Variants in CCN2 observed in about 807,000 individuals in gnomAD.
CCN2 encodes the protein CCN family member 2.
Under a neutral mutation model 33.2 loss-of-function variants are expected in CCN2, and 22 were observed. The observed-to-expected ratio is 0.66, with a 90% CI of 0.47 to 0.95. The LOEUF (loss-of-function observed/expected upper bound fraction) is 0.95. CCN2 is among the 40% of genes least tolerant of loss of function. The pLI is 0.00. For synonymous variants in CCN2, 178 were observed against 200.6 expected, an observed-to-expected ratio of 0.89 and a Z score of 0.95; for missense variants, 469 against 498.8, an observed-to-expected ratio of 0.94 and a Z score of 0.57.
Position 131,950,697 on chromosome 6 carries a change from CT to C in CCN2, c.289+72del. Reference sequence around the variant, plus strand: ...GAAAGAAACTCAGTCCGAGCGGTTTCTTTTTCCAGCGGGCGGGTGGGCGTGA... The same window carrying C: ...GAAAGAAACTCAGTCCGAGCGGTTTCTTTTCCAGCGGGCGGGTGGGCGTGA... On this transcript the variant is annotated intron_variant, in intron 2 of 4. Transcript: ENST00000367976. The surrounding 1 kb of genome is among the most constrained non-coding windows in gnomAD (Gnocchi z 7.1). 1.4e-6 allele frequency: 2 copies of C among 1,468,808 alleles called. No individual in the cohort carries two copies. Among genetic ancestry groups the C allele is most frequent in the Non-Finnish European group, 1.8e-6 (2 of 1,096,412 alleles). The allele number at this position is 1,468,808 out of a possible 1,614,324, so 91.0% of individuals were successfully genotyped here.
At position 131,951,148 on chromosome 6, in the gene CCN2, C is replaced by G; in HGVS notation, c.25G>C (p.Val9Leu). MTAASMGP[V>L]RVAFVVLLAL... ...AGGAGGACCACGAAGGCGACGCGGACGGGGCCCATACTGGCGGCGGTCATG... is the reference window on the plus strand; with the variant it reads ...AGGAGGACCACGAAGGCGACGCGGAGGGGGCCCATACTGGCGGCGGTCATG... The change falls in exon 1 of 5, where the codon GTC (valine) becomes CTC (leucine). Residue 9 changes from valine to leucine, a missense_variant. Val to Leu is a conservative substitution (Grantham distance 32). Transcript: ENST00000367976. 1 of 1,347,668 alleles carries G rather than the reference C, an allele frequency of 7.4e-7. No homozygotes were observed. The highest frequency in any genetic ancestry group is 9.6e-7 in the Non-Finnish European group (1 of 1,047,032). 83.5% of individuals were successfully genotyped at this position (1,347,668 alleles called of 1,614,324 possible).
In CCN2 at chr6:131,949,002, A is replaced by T. The variant is rs1783058653; in HGVS notation, c.*262T>A. ...GCTGGTACCCTCCCACTGCTCCTAA[A>T]GCCACACCTTAATATACATTCTGGT... On this transcript the variant is annotated 3_prime_UTR_variant, in exon 5 of 5. Coordinates refer to ENST00000367976, the MANE Select transcript of CCN2 (RefSeq NM_001901.4). 1 of 496,548 alleles carries T rather than the reference A, an allele frequency of 2.0e-6. No individual in the cohort carries two copies. Among genetic ancestry groups the T allele is most frequent in the Non-Finnish European group, 3.7e-6 (1 of 272,698 alleles). The allele number at this position is 496,548 out of a possible 1,614,324, so 30.8% of individuals were successfully genotyped here. A position where few individuals can be genotyped will look rare whatever the true frequency, so the allele number is the denominator to read the frequency against.
Position 131,950,581 on chromosome 6 carries a change from A to G in CCN2, c.290-38T>C, listed in dbSNP as rs536116140. ...AAGGGAAGAGAGGGGTGGGGGATGC[A>G]GAGGTCAGGCATTGGGGCACTCTCA... On this transcript the variant is annotated intron_variant, in intron 2 of 4. Coordinates refer to ENST00000367976, the MANE Select transcript of CCN2 (RefSeq NM_001901.4). The surrounding 1 kb of genome is among the most constrained non-coding windows in gnomAD (Gnocchi z 7.1). 9.0e-5 allele frequency: 144 copies of G among 1,602,740 alleles called. 1 individual carries two copies. The Middle Eastern group carries it at 1.0e-3, about 11-fold the overall frequency.
At position 131,949,149 on chromosome 6, in the gene CCN2, A is replaced by G; in HGVS notation, c.*115T>C. 4.3e-6 allele frequency: 4 copies of G among 941,146 alleles called. No individual in the cohort carries two copies. The highest frequency in any genetic ancestry group is 6.5e-6 in the Non-Finnish European group (4 of 613,960). The allele number at this position is 941,146 out of a possible 1,614,324, so 58.3% of individuals were successfully genotyped here. ...GAATTGGGTGGGAATCTTTTCCCCC[A>G]GTTAGAAAAACAGATTTAAATAACT... On this transcript the variant is annotated 3_prime_UTR_variant, in exon 5 of 5. Coordinates refer to ENST00000367976, the MANE Select transcript of CCN2 (RefSeq NM_001901.4).
Position 131,950,727 on chromosome 6 carries a change from A to G in CCN2, c.289+43T>C. On this transcript the variant is annotated intron_variant, in intron 2 of 4. Transcript: ENST00000367976. This position sits in a 1 kb window ranked among gnomAD's most constrained non-coding sequence, Gnocchi z 7.1. The stretch of plus-strand genomic sequence containing the variant: ...TCCAGCGGGCGGGTGGGCGTGAGGG[A>G]GGAGGCGGCCGGACACCTAGCGGTG... 1 of 1,496,288 alleles carries G rather than the reference A, an allele frequency of 6.7e-7. No individual in the cohort carries two copies. The allele number at this position is 1,496,288 out of a possible 1,614,324, so 92.7% of individuals were successfully genotyped here. A position where few individuals can be genotyped will look rare whatever the true frequency, so the allele number is the denominator to read the frequency against.
rs1227280122 is a variant in CCN2, at chr6:131,950,912, G to C, written c.147C>G (p.Leu49=). The change falls in exon 2 of 5, where the codon CTC becomes CTG. Residue 49 remains leucine (L), a synonymous_variant. Transcript: ENST00000367976. The surrounding 1 kb of genome is among the most constrained non-coding windows in gnomAD (Gnocchi z 7.1). ...GGCAGCAGCCGCAGCCGTCCAGCAC[G>C]AGGCTCACGCCCGCCGGGCAGCGCG... ...PAPRCPAGVS[L]VLDGCGCCRV... is the part of the protein sequence containing the mutation. 24 of 1,500,748 alleles carry C rather than the reference G, an allele frequency of 1.6e-5. No individual in the cohort carries two copies. The highest frequency in any genetic ancestry group is 2.0e-5 in the Non-Finnish European group (23 of 1,133,704). The allele number at this position is 1,500,748 out of a possible 1,614,324, so 93.0% of individuals were successfully genotyped here.
At position 131,949,452 on chromosome 6, in the gene CCN2, T is replaced by A; in HGVS notation, c.862A>T (p.Thr288Ser). ...TGGGGGGTGCAGCATCGGCCGTCGG[T>A]ACATACTCCACAGAATTTAGCTCGG... is the stretch of plus-strand genomic sequence containing the variant. The part of the protein sequence containing the change: ...TYRAKFCGVC[T>S]DGRCCTPHRT... The change falls in exon 5 of 5, where the codon ACC becomes TCC. Residue 288 changes from threonine to serine, a missense_variant. Coordinates refer to ENST00000367976, the MANE Select transcript of CCN2 (RefSeq NM_001901.4). 1 of 1,614,186 alleles carries A rather than the reference T, an allele frequency of 6.2e-7. No homozygotes were observed. Among genetic ancestry groups the A allele is most frequent in the Middle Eastern group, 1.6e-4 (1 of 6,062 alleles).
Position 131,950,986 on chromosome 6 carries a change from C to A in CCN2, c.73G>T (p.Val25Phe). Residue 25 changes from valine (V) to phenylalanine (F), a missense_variant, in exon 2 of 5, where the codon GTC (valine) becomes TTC (phenylalanine). Coordinates refer to ENST00000367976, the MANE Select transcript of CCN2 (RefSeq NM_001901.4). The surrounding 1 kb of genome is among the most constrained non-coding windows in gnomAD (Gnocchi z 7.1). ...VLLALCSRPAVGQNCSGPCRC... is the reference protein window; with the variant it reads ...VLLALCSRPAFGQNCSGPCRC... The stretch of plus-strand genomic sequence containing the variant: ...CACGGCCCGCTGCAGTTCTGGCCGA[C>A]GGCCGGCTGCAGGGAGGACAGGGCG... The A allele has an allele frequency of 7.6e-7, 1 of 1,316,412 alleles. No homozygotes were observed. The highest frequency in any genetic ancestry group is 9.6e-7 in the Non-Finnish European group (1 of 1,042,678). 81.5% of individuals were successfully genotyped at this position (1,316,412 alleles called of 1,614,324 possible). A position where few individuals can be genotyped will look rare whatever the true frequency, so the allele number is the denominator to read the frequency against.
At position 131,949,291 on chromosome 6, in the gene CCN2, G is replaced by T. The variant is rs1052086665; in HGVS notation, c.1023C>A (p.Tyr341Ter). ...GDNDIFESLYYRKMYGDMA is the reference protein window; with the variant it reads ...GDNDIFESLY Reference sequence around the variant, plus strand: ...ATGCCATGTCTCCGTACATCTTCCTGTAGTACAGCGATTCAAAGATGTCAT... The same window carrying T: ...ATGCCATGTCTCCGTACATCTTCCTTTAGTACAGCGATTCAAAGATGTCAT... The change falls in exon 5 of 5, where the codon TAC (tyrosine) becomes TAA (stop). Residue 341 changes from tyrosine to a stop codon, truncating the protein, a stop_gained. Transcript: ENST00000367976. LOFTEE classifies it high-confidence loss of function. 5.6e-6 allele frequency: 9 copies of T among 1,614,008 alleles called. No homozygotes were observed. In the Admixed American group the frequency reaches 1.5e-4, roughly 27 times the overall value.
rs781444667 is a variant in CCN2 at position 131,950,719 on chromosome 6, C to A, written c.289+51G>T. ...TTTCTTTTTCCAGCGGGCGGGTGGG[C>A]GTGAGGGAGGAGGCGGCCGGACACC... is the stretch of plus-strand genomic sequence containing the variant. On this transcript the variant is annotated intron_variant, in intron 2 of 4. Transcript: ENST00000367976. This position sits in a 1 kb window ranked among gnomAD's most constrained non-coding sequence, Gnocchi z 7.1. 1.9e-5 allele frequency: 28 copies of A among 1,482,880 alleles called. No individual in the cohort carries two copies. In the East Asian group the frequency reaches 1.9e-4, roughly 10 times the overall value. The allele number at this position is 1,482,880 out of a possible 1,614,324, so 91.9% of individuals were successfully genotyped here.
rs1783107883 is a variant in CCN2, at chr6:131,951,286, C to T, written c.-114G>A. Reference sequence around the variant, plus strand: ...ACCGGGACGCGCCGGGCTGTCGTCTCGGGGCTGTCGGCCGGGGCGGCTGCC... The same window carrying T: ...ACCGGGACGCGCCGGGCTGTCGTCTTGGGGCTGTCGGCCGGGGCGGCTGCC... On this transcript the variant is annotated 5_prime_UTR_variant, in exon 1 of 5. Coordinates refer to ENST00000367976, the MANE Select transcript of CCN2 (RefSeq NM_001901.4). 3 of 925,220 alleles carry T rather than the reference C, an allele frequency of 3.2e-6. No homozygotes were observed. Among genetic ancestry groups the T allele is most frequent in the East Asian group, 3.6e-5 (1 of 27,770 alleles). The allele number at this position is 925,220 out of a possible 1,614,324, so 57.3% of individuals were successfully genotyped here. A position where few individuals can be genotyped will look rare whatever the true frequency, so the allele number is the denominator to read the frequency against.
rs376542168 is a variant in CCN2, at chr6:131,950,196, G to A, written c.542-36C>T. 75 of 1,613,452 alleles carry A rather than the reference G, an allele frequency of 4.6e-5. No individual in the cohort carries two copies. The African/African-American group carries it at 9.5e-4, about 20-fold the overall frequency. On this transcript the variant is annotated intron_variant, in intron 3 of 4. Coordinates refer to ENST00000367976, the MANE Select transcript of CCN2 (RefSeq NM_001901.4). The surrounding 1 kb of genome is among the most constrained non-coding windows in gnomAD (Gnocchi z 7.1). ...AGAGCACACAAACACCATGTAAAAC[G>A]CCTGGATAAGGTATTTCCCCCGTTC... is the stretch of plus-strand genomic sequence containing the variant.
rs545620170 is a variant in CCN2 at position 131,950,443 on chromosome 6, C to A, written c.390G>T (p.Ala130=). Residue 130 remains alanine (A), a synonymous_variant, in exon 3 of 5, where the codon GCG becomes GCT. Coordinates refer to ENST00000367976, the MANE Select transcript of CCN2 (RefSeq NM_001901.4). This position sits in a 1 kb window ranked among gnomAD's most constrained non-coding sequence, Gnocchi z 7.1. ...CKYQCTCLDG[A]VGCMPLCSMD... is the part of the protein sequence containing the mutation. ...TGCTGCACAGGGGCATGCAGCCCAC[C>A]GCCCCGTCCAGGCACGTGCACTGGT... 315 of 1,614,020 alleles carry A rather than the reference C, an allele frequency of 2.0e-4. 3 individuals are homozygous for A. The East Asian group carries it at 5.7e-3, about 29-fold the overall frequency.
rs1383831556 is a variant in CCN2, at chr6:131,949,361, A to G, written c.953T>C (p.Met318Thr). Residue 318 changes from methionine to threonine, a missense_variant, in exon 5 of 5, where the codon ATG becomes ACG. Transcript: ENST00000367976. ...PDGEVMKKNM[M>T]FIKTCACHYN... ...ATGGCAGGCACAGGTCTTGATGAAC[A>G]TCATGTTCTTCTTCATGACCTCGCC... 1.9e-6 allele frequency: 3 copies of G among 1,614,076 alleles called. No individual in the cohort carries two copies. The highest frequency in any genetic ancestry group is 1.7e-6 in the Non-Finnish European group (2 of 1,180,046).
chr6:131,951,134 G>C lies in CCN2; in HGVS notation c.39C>G (p.Phe13Leu). The change falls in exon 1 of 5, where the codon TTC becomes TTG. Residue 13 changes from phenylalanine (F) to leucine (L), a missense_variant. Physicochemically the swap from Phe to Leu is conservative, Grantham distance 22. Coordinates refer to ENST00000367976, the MANE Select transcript of CCN2 (RefSeq NM_001901.4). The part of the protein sequence containing the change: ...AASMGPVRVA[F>L]VVLLALCSRP... ...GGCTGCAGAGGGCGAGGAGGACCAC[G>C]AAGGCGACGCGGACGGGGCCCATAC... The C allele has an allele frequency of 7.4e-7, 1 of 1,344,974 alleles. No individual in the cohort carries two copies. Among genetic ancestry groups the C allele is most frequent in the Non-Finnish European group, 9.6e-7 (1 of 1,045,468 alleles). The allele number at this position is 1,344,974 out of a possible 1,614,324, so 83.3% of individuals were successfully genotyped here. A position where few individuals can be genotyped will look rare whatever the true frequency, so the allele number is the denominator to read the frequency against.
chr6:131,951,084 C>T, intron 1 of CCN2, 23 bp downstream of exon 1: 2 of 1,304,380 alleles, frequency 1.5e-6, no homozygotes, highest in Non-Finnish European at 1.9e-6. Flanking sequence ...CCGCCGGCCG[C>T]AGCGGGGGCT....
chr6:131,948,393 A>T lies in CCN2; in HGVS notation c.*871T>A, dbSNP rs1585878952. On this transcript the variant is annotated 3_prime_UTR_variant, in exon 5 of 5. Coordinates refer to ENST00000367976, the MANE Select transcript of CCN2 (RefSeq NM_001901.4). ...GAGGCTACCACATTTCCTACCTAGA[A>T]ATCAGCCTGCCAAGGACACTGATGC... 1.3e-5 allele frequency: 2 copies of T among 152,590 alleles called. No homozygotes were observed. The highest frequency in any genetic ancestry group is 3.9e-4 in the East Asian group (2 of 5,194). The allele number at this position is 152,590 out of a possible 1,614,324, so 9.5% of individuals were successfully genotyped here. A position where few individuals can be genotyped will look rare whatever the true frequency, so the allele number is the denominator to read the frequency against.
rs890751940 is a variant in CCN2 at position 131,948,193 on chromosome 6, C to G, written c.*1071G>C. 1.3e-5 allele frequency: 2 copies of G among 152,534 alleles called. No homozygotes were observed. Among genetic ancestry groups the G allele is most frequent in the Non-Finnish European group, 2.9e-5 (2 of 68,006 alleles). 9.4% of individuals were successfully genotyped at this position (152,534 alleles called of 1,614,324 possible). A position where few individuals can be genotyped will look rare whatever the true frequency, so the allele number is the denominator to read the frequency against. ...CCAAGCCCTTTATAGAAAAAATATA[C>G]ACTTTATTTTCAACTAGAAAGGTGC... On this transcript the variant is annotated 3_prime_UTR_variant, in exon 5 of 5. Coordinates refer to ENST00000367976, the MANE Select transcript of CCN2 (RefSeq NM_001901.4).
At position 131,950,154 on chromosome 6, in the gene CCN2, C is replaced by A. The variant is rs1385269499; in HGVS notation, c.548G>T (p.Arg183Leu). Residue 183 changes from arginine (R) to leucine (L), a missense_variant, in exon 4 of 5, where the codon CGA becomes CTA. Coordinates refer to ENST00000367976, the MANE Select transcript of CCN2 (RefSeq NM_001901.4). The surrounding 1 kb of genome is among the most constrained non-coding windows in gnomAD (Gnocchi z 7.1). ...GTCTGGGCCAAACGTGTCTTCCAGTCGGTAAGCTGCGAGAGCAGAGCACAC... is the reference window on the plus strand; with the variant it reads ...GTCTGGGCCAAACGTGTCTTCCAGTAGGTAAGCTGCGAGAGCAGAGCACAC... ...TVVGPALAAY[R>L]LEDTFGPDPT... 1.2e-6 allele frequency: 2 copies of A among 1,614,192 alleles called. No homozygotes were observed. Among genetic ancestry groups the A allele is most frequent in the Non-Finnish European group, 1.7e-6 (2 of 1,180,046 alleles).
Sources: gnomAD v4.1 joint callset for allele counts on GRCh38, gnomAD v4.1.1 for gene constraint, Gnocchi (gnomAD v3.1) non-coding constraint, MANE v1.5 for transcripts, NCBI Gene and HGNC (gene_info 2026-07-23, HGNC 2026-07-21) for gene names.